DNAJB6: variants seen among roughly 807,000 people sequenced by gnomAD.
The protein encoded by DNAJB6 is dnaJ homolog subfamily B member 6.
In DNAJB6, 16 loss-of-function variants were observed where a neutral mutation model predicts 42.7. That is an observed-to-expected ratio of 0.37 (90% confidence interval 0.25 to 0.57). The LOEUF (loss-of-function observed/expected upper bound fraction) is 0.57, where lower values mean the gene tolerates loss of function less well. Among genes scored for constraint, DNAJB6 ranks in the 20% least tolerant of loss-of-function variants. The pLI is 0.74. For missense variants in DNAJB6, 347 were observed against 416.8 expected (o/e 0.83, Z 1.46); for synonymous variants, 170 against 163.5 (o/e 1.04, Z -0.30).
intron 8 of DNAJB6, among the ~76,000 whole-genome samples, chr7:157,387,223 T>C (rs1246541416): frequency 6.6e-6 from 1 of 152,144 alleles, no homozygotes; most frequent in African/African-American, 2.4e-5. Flanking sequence ...CAAAAAAGCA[T>C]AGCAACAGTT....
At chr7:157,389,227 T>C (rs1016211847) in intron 8 of DNAJB6, among the ~76,000 whole-genome samples, 1 of 152,264 alleles carries the variant, frequency 6.6e-6, no homozygotes, top group African/African-American at 2.4e-5. Flanking sequence ...GATTACCTTC[T>C]AGATATCATT....
At chr7:157,357,857 G>T (rs1023835632) in intron 1 of DNAJB6, among the ~76,000 whole-genome samples, 2 of 152,216 alleles carry the variant, frequency 1.3e-5, no homozygotes, top group African/African-American at 2.4e-5. Flanking sequence ...AATCTCTGCT[G>T]CTGGTTTTCC....
intron 8 of DNAJB6, among the ~76,000 whole-genome samples, chr7:157,403,009 G>A (rs1009454060): frequency 6.6e-6 from 1 of 152,220 alleles, no homozygotes; most frequent in African/African-American, 2.4e-5. Flanking sequence ...CCTGACGACA[G>A]GTGCCCGAGG....
At chr7:157,342,003 A>G (rs1489882282) in intron 1 of DNAJB6, among the ~76,000 whole-genome samples, 2 of 152,006 alleles carry the variant, frequency 1.3e-5, no homozygotes, top group East Asian at 1.9e-4. Flanking sequence ...GGTAGCTGAG[A>G]TTACAGGCGT....
At chr7:157,381,145 G>T (rs905133986) in intron 5 of DNAJB6, 5 of 151,888 alleles carry the variant, frequency 3.3e-5, no homozygotes, top group African/African-American at 1.2e-4. Context: ...CATGAATCTC[G>T]ATTTCTGCTT....
intron 8 of DNAJB6, chr7:157,386,113 A>G (rs1482551891): frequency 1.6e-5 from 16 of 972,008 alleles, no homozygotes; most frequent in African/African-American, 1.8e-5. Context: ...ATGGTAATAC[A>G]TTTCTGGTTT....
At chr7:157,363,082 G>T in intron 2 of DNAJB6, 79 bp from the exon 3 acceptor site, 1 of 950,646 alleles carries the variant, frequency 1.1e-6, no homozygotes, top group Non-Finnish European at 1.6e-6. Context: ...AGCCATTCTC[G>T]TGGTTAATGA....
chr7:157,395,272 T>TA (rs1801531020), intron 8 of DNAJB6, among the ~76,000 whole-genome samples: 1 of 152,224 alleles, frequency 6.6e-6, no homozygotes, highest in South Asian at 2.1e-4. Context: ...TTAATGTAGT[T>TA]AAAGCAATAG....
At chr7:157,374,822 G>A (rs1364052947) in intron 5 of DNAJB6, among the ~76,000 whole-genome samples, 1 of 152,216 alleles carries the variant, frequency 6.6e-6, no homozygotes, top group East Asian at 1.9e-4. Context: ...TGTTTCTGTG[G>A]TGTTTCCTCC....
chr7:157,402,446 G>A (rs1795563912), intron 8 of DNAJB6, among the ~76,000 whole-genome samples: 1 of 152,254 alleles, frequency 6.6e-6, no homozygotes, highest in Non-Finnish European at 1.5e-5. Context: ...CTGGCCGTGG[G>A]GCGGGCGTGG....
Position 157,409,826 on chromosome 7 carries a change from G to A in DNAJB6, c.723G>A (p.Glu241=), listed in dbSNP as rs886062129. The A allele has an allele frequency of 7.2e-6, 11 of 1,533,002 alleles. No homozygotes were observed. Among genetic ancestry groups the A allele is most frequent in the Non-Finnish European group, 9.6e-6 (11 of 1,145,188 alleles). The allele number at this position is 1,533,002 out of a possible 1,614,324, so 95.0% of individuals were successfully genotyped here. Residue 241 remains glutamate, a synonymous_variant, in exon 9 of 10, where the codon GAG becomes GAA. Coordinates refer to ENST00000262177, the MANE Select transcript of DNAJB6 (RefSeq NM_058246.4). ...CCGACGACGATGCCCTCGCTGAGGA[G>A]CGCATGCGGAGAGGCCAGAACGCCC... ...GVADDDALAE[E]RMRRGQNALP...
chr7:157,340,499 G>A (rs1045505622), intron 1 of DNAJB6, among the ~76,000 whole-genome samples: 16 of 151,940 alleles, frequency 1.1e-4, no homozygotes, highest in South Asian at 2.1e-4. Flanking sequence ...AAACGACAAC[G>A]CCTACCTGCA....
chr7:157,397,011 A>G (rs1801619350), intron 8 of DNAJB6, among the ~76,000 whole-genome samples: 1 of 152,158 alleles, frequency 6.6e-6, no homozygotes, highest in Non-Finnish European at 1.5e-5. Context: ...GTCCTCCTGG[A>G]ATTATCCTCA....
intron 2 of DNAJB6, among the ~76,000 whole-genome samples, chr7:157,362,575 T>C (rs185213077): frequency 1.3e-5 from 2 of 152,192 alleles, no homozygotes; most frequent in Non-Finnish European, 1.5e-5. Flanking sequence ...GGTTTCTCCA[T>C]GTTGGCCAGG....
At position 157,410,480 on chromosome 7, in the gene DNAJB6, G is replaced by T. The variant is rs1036980708; in HGVS notation, c.898+479G>T. 2.0e-5 allele frequency: 4 copies of T among 200,524 alleles called. 1 individual carries two copies. The highest frequency in any genetic ancestry group is 3.7e-4 in the South Asian group (2 of 5,408). 12.4% of individuals were successfully genotyped at this position (200,524 alleles called of 1,614,324 possible). A position where few individuals can be genotyped will look rare whatever the true frequency, so the allele number is the denominator to read the frequency against. ...CTCAAGTCAAGCCTCCTTGTGAAGC[G>T]TAGTCTGCCCGCCCACCCCCCGTGG... On this transcript the variant is annotated intron_variant, in intron 9 of 9. Coordinates refer to ENST00000262177, the MANE Select transcript of DNAJB6 (RefSeq NM_058246.4).
chr7:157,338,499 A>C (rs929830862), intron 1 of DNAJB6, among the ~76,000 whole-genome samples: 1 of 151,950 alleles, frequency 6.6e-6, no homozygotes, highest in Non-Finnish European at 1.5e-5. Context: ...ATGTCCGACT[A>C]ATTTTTGTAT....
intron 8 of DNAJB6, among the ~76,000 whole-genome samples, chr7:157,394,489 A>G (rs1032425445): frequency 5.3e-5 from 8 of 151,888 alleles, no homozygotes; most frequent in Non-Finnish European, 7.4e-5. Flanking sequence ...TGATGACACC[A>G]CTGCACTCCA....
At chr7:157,407,534 G>T (rs971035869) in intron 8 of DNAJB6, among the ~76,000 whole-genome samples, 1 of 152,198 alleles carries the variant, frequency 6.6e-6, no homozygotes, top group Non-Finnish European at 1.5e-5. Context: ...GGCAGGTTCT[G>T]GTTGGCCCTT....
In DNAJB6 at chr7:157,390,557, G is replaced by A. The variant is rs777834171; in HGVS notation, c.691+4946G>A. Among the ~76,000 whole-genome samples the A allele has an allele frequency of 2.0e-5, 3 of 152,212 alleles. No individual in the cohort carries two copies. The South Asian group carries it at 6.2e-4, about 32-fold the overall frequency. ...AGAGACCGGAGGTTTTCTGAAGGAG[G>A]CTTTGGTGCTGAAACATTGCTGCTG... On this transcript the variant is annotated intron_variant, in intron 8 of 9. Transcript: ENST00000262177.
Sources: gnomAD v4.1 joint callset for allele counts (sites outside exome capture counted in the v4.1 genomes callset) on GRCh38, gnomAD v4.1.1 for gene constraint, MANE v1.5 for transcripts, NCBI Gene and HGNC (gene_info 2026-07-23, HGNC 2026-07-21) for gene names.